Variants in TAF1 observed in about 807,000 individuals in gnomAD.
TAF1 encodes TATA-box binding protein associated factor 1, also known as transcription initiation factor TFIID subunit 1.
In TAF1, 2 loss-of-function variants were observed where a neutral mutation model predicts 138.5. That is an observed-to-expected ratio of 0.01 (90% CI 0.01 to 0.05). The LOEUF is 0.05. TAF1 is among the 10% of genes least tolerant of loss of function. The probability of loss-of-function intolerance (pLI) is 1.00; values close to 1 mark genes in which losing one functional copy is unlikely to be tolerated. For synonymous variants in TAF1, 437 were observed against 503.2 expected (o/e 0.87, Z 1.76); for missense variants, 709 against 1,478.0 (o/e 0.48, Z 8.53).
At chrX:71,502,902 C>A (rs1457729971) in intron 13 of TAF1, among the ~76,000 whole-genome samples, 1 of 109,915 alleles carries the variant, frequency 9.1e-6, no homozygotes, top group Non-Finnish European at 1.9e-5. Flanking sequence ...CGCACCACTG[C>A]ACTCCAGCCT....
intron 32 of TAF1, among the ~76,000 whole-genome samples, chrX:71,438,251 T>A (rs2037243581): frequency 1.8e-5 from 2 of 111,677 alleles, no homozygotes; most frequent in South Asian, 7.4e-4. Context: ...AAACAGAAAC[T>A]CTATACCCCT....
chrX:71,378,240 G>A lies in TAF1; in HGVS notation c.939G>A (p.Thr313=), dbSNP rs143358072. Residue 313 remains threonine, a synonymous_variant, in exon 7 of 38, where the codon ACG becomes ACA. Transcript: ENST00000423759. ...ACTTCTTTCTTCTGTTACAGATCAC[G>A]ATGATGGCTCCTGTGGAGTCCAAAT... is the stretch of plus-strand genomic sequence containing the variant. ...PEQCLSDDEI[T]MMAPVESKFS... is the part of the protein sequence containing the mutation. 7 of 1,209,325 alleles carry A rather than the reference G, an allele frequency of 5.8e-6. No individual in the cohort carries two copies. Among genetic ancestry groups the A allele is most frequent in the Admixed American group, 2.2e-5 (1 of 45,645 alleles).
intron 13 of TAF1, among the ~76,000 whole-genome samples, chrX:71,473,042 C>G (rs2038918223): frequency 8.9e-6 from 1 of 112,058 alleles, no homozygotes; most frequent in African/African-American, 3.2e-5. Context: ...CTCATTTTCA[C>G]TTGTTCAATA....
intron 28 of TAF1, among the ~76,000 whole-genome samples, chrX:71,409,384 C>T (rs1226181563): frequency 4.5e-5 from 5 of 110,893 alleles, no homozygotes; most frequent in Non-Finnish European, 9.4e-5. Flanking sequence ...CCACCTCGGC[C>T]TCCCAAAGTG....
At chrX:71,514,187 G>A (rs966975092) in intron 13 of TAF1, among the ~76,000 whole-genome samples, 2 of 111,123 alleles carry the variant, frequency 1.8e-5, no homozygotes, top group Non-Finnish European at 1.9e-5. Context: ...AACGAATTCC[G>A]GACATACCTG....
intron 14 of TAF1, 98 bp from the exon 15 acceptor site, chrX:71,387,163 A>T: frequency 1.1e-6 from 1 of 887,496 alleles, no homozygotes; most frequent in Non-Finnish European, 1.6e-6. Context: ...TGGCGTAATT[A>T]AGATGGAGAG....
Position 71,482,236 on chromosome X carries a change from C to G in TAF1, c.1366+21433C>G, listed in dbSNP as rs148459486. On this transcript the variant is annotated intron_variant and NMD_transcript_variant, in intron 13 of 14. Coordinates refer to the TAF1 transcript ENST00000373775. ...CAACACACTTCCCTTTATCTCATGG[C>G]CAATACTGGACAATATGGCAACTTG... 4.3e-3 allele frequency among the ~76,000 whole-genome samples: 482 copies of G among 112,286 alleles called. 4 individuals are homozygous for G. The highest frequency in any genetic ancestry group is 0.014 in the African/African-American group (443 of 30,983).
intron 13 of TAF1, among the ~76,000 whole-genome samples, chrX:71,490,237 T>C (rs1266625359): frequency 8.9e-6 from 1 of 112,273 alleles, no homozygotes; most frequent in African/African-American, 3.2e-5. Flanking sequence ...ACCAACAAAC[T>C]AACATGCTGG....
intron 13 of TAF1, among the ~76,000 whole-genome samples, chrX:71,508,086 C>CTCTCTCTCTCTCTCTA (rs4040068): frequency 3.7e-4 from 34 of 92,179 alleles, no homozygotes; most frequent in African/African-American, 1.2e-3. Context: ...CTCTCTCTCT[C>CTCTCTCTCTCTCTCTA]TATATATATA....
intron 13 of TAF1, among the ~76,000 whole-genome samples, chrX:71,519,855 G>C (rs1212571602): frequency 9.1e-6 from 1 of 110,073 alleles, no homozygotes; most frequent in African/African-American, 3.3e-5. Context: ...ACCCAGGCCG[G>C]AGTGCAGTGG....
intron 34 of TAF1, 122 bp from the exon 35 acceptor site, chrX:71,458,119 G>A (rs2038386842): frequency 1.1e-6 from 1 of 933,592 alleles, no homozygotes; most frequent in Non-Finnish European, 1.5e-6. Flanking sequence ...GTCAAACTAT[G>A]TTTCTCTTTA....
intron 2 of TAF1, 82 bp downstream of exon 2, chrX:71,367,695 G>T: frequency 9.4e-7 from 1 of 1,067,209 alleles, no homozygotes; most frequent in Non-Finnish European, 1.3e-6. Context: ...GTGTAAGACG[G>T]AGTTTCGCTC....
At chrX:71,510,401 C>CA (rs2039709902) in intron 13 of TAF1, among the ~76,000 whole-genome samples, 1 of 111,289 alleles carries the variant, frequency 9.0e-6, no homozygotes, top group Non-Finnish European at 1.9e-5. Context: ...GGTTTCCTCA[C>CA]AAGGTCACAA....
At chrX:71,444,819 C>T (rs1307848939) in intron 32 of TAF1, among the ~76,000 whole-genome samples, 1 of 110,354 alleles carries the variant, frequency 9.1e-6, no homozygotes, top group Non-Finnish European at 1.9e-5. Flanking sequence ...CTGCCAGCTC[C>T]GCCTCCCGAG....
chrX:71,408,834 A>G (rs1477871508), intron 28 of TAF1, among the ~76,000 whole-genome samples: 1 of 110,150 alleles, frequency 9.1e-6, no homozygotes, highest in African/African-American at 3.3e-5. Flanking sequence ...GACCATGGTG[A>G]AACCCCCATC....
chrX:71,375,855 C>T (rs1227216709), intron 4 of TAF1, among the ~76,000 whole-genome samples: 2 of 112,427 alleles, frequency 1.8e-5, no homozygotes, highest in African/African-American at 3.2e-5. Flanking sequence ...CTGCCGAACC[C>T]GGGAATCTTA....
intron 13 of TAF1, among the ~76,000 whole-genome samples, chrX:71,502,347 C>T (rs538090227): frequency 2.7e-5 from 3 of 110,855 alleles, no homozygotes; most frequent in South Asian, 3.9e-4. Context: ...AATCCTTTAG[C>T]GAGACACAGA....
chrX:71,460,950 A>G (rs1008374696), intron 37 of TAF1, 147 bp downstream of exon 37: 1 of 797,828 alleles, frequency 1.3e-6, no homozygotes, highest in Non-Finnish European at 1.8e-6. Context: ...GGGGATACAC[A>G]GAGGAGCAAA....
chrX:71,379,126 T>C (rs1338313676), intron 8 of TAF1, 95 bp downstream of exon 8: 1 of 882,572 alleles, frequency 1.1e-6, no homozygotes, highest in Non-Finnish European at 1.5e-6. Flanking sequence ...TTTTTTTTTT[T>C]TTCGGTGAGA....
Sources: allele counts gnomAD v4.1 joint callset (sites outside exome capture counted in the v4.1 genomes callset), GRCh38; gene constraint gnomAD v4.1.1; transcripts MANE v1.5; gene names NCBI Gene and HGNC (gene_info 2026-07-23, HGNC 2026-07-21).